DPP6: variants seen among roughly 807,000 people sequenced by gnomAD.
DPP6 encodes the protein A-type potassium channel modulatory protein DPP6.
In DPP6, 69 loss-of-function variants were observed where a neutral mutation model predicts 122.6. The ratio of observed to expected loss-of-function variants is 0.56; its 90% CI spans 0.46 to 0.69. DPP6 has a LOEUF of 0.69. Ranked by LOEUF, DPP6 falls within the 30% of genes least tolerant of loss-of-function variation. DPP6 has a pLI of 0.00. For missense variants in DPP6, 928 were observed against 1,116.9 expected (o/e 0.83, Z 2.41); for synonymous variants, 418 against 433.1 (o/e 0.97, Z 0.43).
At chr7:154,705,124 G>T (rs1300632004) in intron 7 of DPP6, among the ~76,000 whole-genome samples, 1 of 152,234 alleles carries the variant, frequency 6.6e-6, no homozygotes, top group Non-Finnish European at 1.5e-5. Context: ...TCAGGGAGAG[G>T]AGAGGGGGAG....
At chr7:154,737,976 G>A (rs938169119) in intron 8 of DPP6, among the ~76,000 whole-genome samples, 22 of 152,196 alleles carry the variant, frequency 1.4e-4, no homozygotes, top group African/African-American at 5.3e-4. Context: ...AAACAAGAGC[G>A]CTTCTGTGGA....
intron 1 of DPP6, among the ~76,000 whole-genome samples, chr7:154,098,464 C>T (rs955570393): frequency 1.3e-5 from 2 of 152,126 alleles, no homozygotes; most frequent in African/African-American, 4.8e-5. Flanking sequence ...CACAAAATTT[C>T]AGGAGATTTA....
At chr7:154,324,999 G>T (rs1242248146) in intron 1 of DPP6, among the ~76,000 whole-genome samples, 1 of 151,232 alleles carries the variant, frequency 6.6e-6, no homozygotes, top group Non-Finnish European at 1.5e-5. Context: ...CGAGTAGCTG[G>T]GACTACAGAT....
chr7:154,539,534 T>C (rs891526612), intron 3 of DPP6, among the ~76,000 whole-genome samples: 59 of 151,718 alleles, frequency 3.9e-4, no homozygotes, highest in Non-Finnish European at 5.9e-5. Context: ...CTAATGTAAA[T>C]GATGAGTTAA....
At chr7:153,988,163 A>G (rs969106559) in intron 1 of DPP6, among the ~76,000 whole-genome samples, 2 of 152,024 alleles carry the variant, frequency 1.3e-5, no homozygotes, top group Non-Finnish European at 1.5e-5. Context: ...TTTTCCCTTG[A>G]CGGAGGAGGG....
intron 1 of DPP6, among the ~76,000 whole-genome samples, chr7:154,395,198 A>G (rs1814973605): frequency 2.6e-5 from 4 of 152,168 alleles, no homozygotes; most frequent in Admixed American, 1.3e-4. Context: ...GGCCTTTTGT[A>G]AGGTCTCTAA....
At chr7:154,872,293 C>T (rs1804464283) in intron 18 of DPP6, among the ~76,000 whole-genome samples, 1 of 152,250 alleles carries the variant, frequency 6.6e-6, no homozygotes, top group Admixed American at 6.5e-5. Flanking sequence ...GGCAGCCCTC[C>T]TGCTCTCAGG....
In DPP6 at chr7:154,628,306, G is replaced by C. The variant is rs73727332; in HGVS notation, c.628-9515G>C. On this transcript the variant is annotated intron_variant, in intron 5 of 25. Coordinates refer to ENST00000377770, the MANE Select transcript of DPP6 (RefSeq NM_130797.4). ...TTATTCTTCCCATGGAAGCAAAAGA[G>C]ACCAGGCCTACTGACATGCATGTAC... Among the ~76,000 whole-genome samples the C allele has an allele frequency of 2.2e-3, 338 of 152,312 alleles. 1 individual carries two copies. Among genetic ancestry groups the C allele is most frequent in the African/African-American group, 7.1e-3 (297 of 41,568 alleles).
At chr7:153,965,058 T>G (rs1193614718) in intron 1 of DPP6, among the ~76,000 whole-genome samples, 1 of 147,030 alleles carries the variant, frequency 6.8e-6, no homozygotes, top group East Asian at 2.1e-4. Context: ...ATTCAGACTT[T>G]GGTTAATTGT....
At position 154,607,440 on chromosome 7, in the gene DPP6, A is replaced by G. The variant is rs1833625992; in HGVS notation, c.628-30381A>G. Among the ~76,000 whole-genome samples, 2 of 114,676 alleles carry G rather than the reference A, an allele frequency of 1.7e-5. 1 individual carries two copies. The highest frequency in any genetic ancestry group is 3.9e-5 in the Non-Finnish European group (2 of 51,684). 75.2% of individuals were successfully genotyped at this position (114,676 alleles called of 152,430 possible). A position where few individuals can be genotyped will look rare whatever the true frequency, so the allele number is the denominator to read the frequency against. ...GCTGGGCATGGCGGCGGGCGCCTGT[A>G]GTCGCAGCTACTCAGGAGGCTGAGG... On this transcript the variant is annotated intron_variant, in intron 5 of 25. Transcript: ENST00000377770.
intron 5 of DPP6, among the ~76,000 whole-genome samples, chr7:154,567,676 C>T (rs1200427581): frequency 6.6e-6 from 1 of 152,218 alleles, no homozygotes. Context: ...GAGTCTACTA[C>T]TGCCTCCCTG....
chr7:153,760,323 T>C, the DPP6 span, among the ~76,000 whole-genome samples: 1 of 152,210 alleles, frequency 6.6e-6, no homozygotes, highest in Non-Finnish European at 1.5e-5. Flanking sequence ...GCTGTAATAA[T>C]TGTTTTAATG....
At chr7:154,428,522 G>A (rs879496968) in intron 1 of DPP6, among the ~76,000 whole-genome samples, 4 of 152,104 alleles carry the variant, frequency 2.6e-5, no homozygotes, top group Admixed American at 6.6e-5. Context: ...AAGAGAAGTC[G>A]TTATATCAAA....
chr7:153,964,822 C>CTTTCCT (rs202179146), intron 1 of DPP6, among the ~76,000 whole-genome samples: 669 of 40,850 alleles, frequency 0.016, 28 homozygotes, highest in Middle Eastern at 0.056. Flanking sequence ...CTTTCCTTTC[C>CTTTCCT]TTTCCTTTTC....
At chr7:154,460,888 T>C (rs1821240056) in intron 2 of DPP6, among the ~76,000 whole-genome samples, 2 of 152,220 alleles carry the variant, frequency 1.3e-5, no homozygotes, top group Non-Finnish European at 2.9e-5. Context: ...TAAAAATGCA[T>C]AATAAAGTAT....
At position 154,608,951 on chromosome 7, in the gene DPP6, G is replaced by A. The variant is rs1833743369; in HGVS notation, c.628-28870G>A. On this transcript the variant is annotated intron_variant, in intron 5 of 25. Coordinates refer to ENST00000377770, the MANE Select transcript of DPP6 (RefSeq NM_130797.4). ...TTTCAAGAAAGTTTAATCTATGTAT[G>A]GGTACTGGCTTTATTAAGGGTCAAC... 2.0e-5 allele frequency among the ~76,000 whole-genome samples: 3 copies of A among 152,190 alleles called. No homozygotes were observed. The South Asian group carries it at 6.2e-4, about 32-fold the overall frequency.
At chr7:153,815,089 G>C in the DPP6 span, among the ~76,000 whole-genome samples, 9 of 152,168 alleles carry the variant, frequency 5.9e-5, no homozygotes, top group African/African-American at 2.2e-4. Context: ...ATTCAACATA[G>C]TGTTGGAAGT....
At chr7:153,815,402 T>G in the DPP6 span, among the ~76,000 whole-genome samples, 1 of 152,252 alleles carries the variant, frequency 6.6e-6, no homozygotes, top group South Asian at 2.1e-4. Context: ...AGTTTTAGGG[T>G]ACATGTGCAC....
chr7:154,773,823 G>A (rs1796404290), intron 10 of DPP6, among the ~76,000 whole-genome samples: 1 of 152,172 alleles, frequency 6.6e-6, no homozygotes, highest in African/African-American at 2.4e-5. Flanking sequence ...GGAAAGGGCA[G>A]GAATCGAGGC....
Sources: allele counts gnomAD v4.1 joint callset (sites outside exome capture counted in the v4.1 genomes callset), GRCh38; gene constraint gnomAD v4.1.1; transcripts MANE v1.5; gene names NCBI Gene and HGNC (gene_info 2026-07-23, HGNC 2026-07-21).